CHRM3: variants seen among roughly 807,000 people sequenced by gnomAD.
CHRM3 encodes the protein cholinergic receptor muscarinic 3, also known as muscarinic acetylcholine receptor M3.
Under a neutral mutation model 41.8 loss-of-function variants are expected in CHRM3, and 11 were observed. The observed-to-expected ratio is 0.26, with a 90% CI of 0.17 to 0.44. The LOEUF is 0.44. Among genes scored for constraint, CHRM3 ranks in the 20% least tolerant of loss-of-function variants. CHRM3 has a pLI of 1.00. For synonymous variants in CHRM3, 297 were observed against 301.4 expected (o/e 0.99, Z 0.15); for missense variants, 571 against 745.4 (o/e 0.77, Z 2.72).
At chr1:239,615,145 C>T (rs537656542) in intron 3 of CHRM3, among the ~76,000 whole-genome samples, 3 of 152,254 alleles carry the variant, frequency 2.0e-5, no homozygotes, top group Admixed American at 6.5e-5. Context: ...GGCACATTCT[C>T]GTCATATAAA....
intron 4 of CHRM3, among the ~76,000 whole-genome samples, chr1:239,644,120 A>C (rs894030132): frequency 1.3e-5 from 2 of 152,148 alleles, no homozygotes; most frequent in African/African-American, 4.8e-5. Context: ...ACCCATCCTA[A>C]CCTTTTAGTA....
At chr1:239,851,624 A>T (rs1674700350) in intron 6 of CHRM3, among the ~76,000 whole-genome samples, 1 of 152,188 alleles carries the variant, frequency 6.6e-6, no homozygotes, top group Non-Finnish European at 1.5e-5. Flanking sequence ...CAAATGGGAA[A>T]TAAATAGCAA....
intron 1 of CHRM3, among the ~76,000 whole-genome samples, chr1:239,429,820 A>G (rs1177107457): frequency 1.4e-5 from 2 of 144,744 alleles, no homozygotes; most frequent in South Asian, 4.3e-4. Flanking sequence ...ACATCTCATT[A>G]GTAATTCATT....
intron 4 of CHRM3, among the ~76,000 whole-genome samples, chr1:239,643,649 C>T (rs962692850): frequency 1.3e-5 from 2 of 152,168 alleles, no homozygotes; most frequent in African/African-American, 2.4e-5. Flanking sequence ...GGGAGTGACC[C>T]GATTTTCCAG....
intron 2 of CHRM3, among the ~76,000 whole-genome samples, chr1:239,510,831 C>T (rs778517151): frequency 1.1e-4 from 16 of 152,036 alleles, no homozygotes; most frequent in Non-Finnish European, 1.8e-4. Context: ...CCACCGCGGC[C>T]GGCCCAGATT....
At chr1:239,835,454 C>A (rs976154478) in intron 6 of CHRM3, among the ~76,000 whole-genome samples, 18 of 151,882 alleles carry the variant, frequency 1.2e-4, no homozygotes, top group Non-Finnish European at 1.0e-4. Flanking sequence ...ATTGTTTGGG[C>A]AATGCTGTCA....
intron 6 of CHRM3, among the ~76,000 whole-genome samples, chr1:239,857,185 A>G (rs1675190472): frequency 1.3e-5 from 2 of 152,194 alleles, no homozygotes; most frequent in African/African-American, 4.8e-5. Context: ...ACTTTTAGGT[A>G]TACAGAAAGT....
At chr1:239,436,998 G>C (rs533200167) in intron 1 of CHRM3, among the ~76,000 whole-genome samples, 24 of 152,128 alleles carry the variant, frequency 1.6e-4, no homozygotes, top group Admixed American at 4.6e-4. Flanking sequence ...AGACCACACT[G>C]TATCTCACCA....
At chr1:239,523,773 T>C (rs1628671) in intron 2 of CHRM3, among the ~76,000 whole-genome samples, 70,313 of 152,008 alleles carry the variant, frequency 0.46, 17,059 homozygotes, top group Middle Eastern at 0.63. Context: ...CGTGATAAGA[T>C]ATACAAACAA....
intron 5 of CHRM3, among the ~76,000 whole-genome samples, chr1:239,747,991 C>T (rs550170398): frequency 6.6e-6 from 1 of 152,250 alleles, no homozygotes; most frequent in African/African-American, 2.4e-5. Flanking sequence ...GAGCCGAAAT[C>T]GTGCCACGAC....
intron 1 of CHRM3, among the ~76,000 whole-genome samples, chr1:239,448,109 TA>T (rs1664285806): frequency 6.6e-6 from 1 of 152,330 alleles, no homozygotes; most frequent in Admixed American, 6.5e-5. Context: ...TTCTCATGAT[TA>T]AACTGAAGAC....
intron 3 of CHRM3, among the ~76,000 whole-genome samples, chr1:239,576,589 C>T (rs997106242): frequency 9.6e-6 from 1 of 104,690 alleles, no homozygotes; most frequent in Admixed American, 1.2e-4. Flanking sequence ...CACACACACA[C>T]ACACGCACAC....
chr1:239,638,181 G>T (rs1473501581), intron 4 of CHRM3, among the ~76,000 whole-genome samples: 1 of 150,356 alleles, frequency 6.7e-6, no homozygotes, highest in Admixed American at 6.6e-5. Context: ...ATTTGGGTTG[G>T]TTCCAAGTCT....
intron 1 of CHRM3, among the ~76,000 whole-genome samples, chr1:239,403,580 G>T (rs1660163261): frequency 1.3e-5 from 2 of 152,014 alleles, no homozygotes; most frequent in Non-Finnish European, 2.9e-5. Context: ...ATTTTGAGAG[G>T]GGTAGTCTTT....
intron 5 of CHRM3, among the ~76,000 whole-genome samples, chr1:239,805,833 T>C (rs760738310): frequency 6.6e-6 from 1 of 152,232 alleles, no homozygotes; most frequent in Non-Finnish European, 1.5e-5. Context: ...GGCCTCATTA[T>C]TTTTATTATT....
intron 6 of CHRM3, among the ~76,000 whole-genome samples, chr1:239,872,433 A>C (rs181584774): frequency 1.3e-5 from 2 of 152,192 alleles, no homozygotes; most frequent in African/African-American, 4.8e-5. Flanking sequence ...AGGAGTAGCT[A>C]TCCTGAAAAG....
intron 6 of CHRM3, among the ~76,000 whole-genome samples, chr1:239,863,399 G>A (rs1485216326): frequency 6.6e-6 from 1 of 152,154 alleles, no homozygotes; most frequent in African/African-American, 2.4e-5. Context: ...CTGCTCCATC[G>A]GTGTGGGCAG....
At chr1:239,615,964 G>A (rs1667583977) in intron 3 of CHRM3, among the ~76,000 whole-genome samples, 1 of 152,122 alleles carries the variant, frequency 6.6e-6, no homozygotes, top group Non-Finnish European at 1.5e-5. Flanking sequence ...TTCCTCTCCA[G>A]TAAGCAACCT....
chr1:239,627,054 C>A (rs1251418186), intron 3 of CHRM3, among the ~76,000 whole-genome samples: 1 of 135,872 alleles, frequency 7.4e-6, no homozygotes, highest in Non-Finnish European at 1.6e-5. Context: ...TCCTGCGTAT[C>A]CTTGTTGACT....
Sources: allele counts gnomAD v4.1 joint callset (sites outside exome capture counted in the v4.1 genomes callset), GRCh38; gene constraint gnomAD v4.1.1; transcripts MANE v1.5; gene names NCBI Gene and HGNC (gene_info 2026-07-23, HGNC 2026-07-21).